Variants in KIAA0232 observed in about 807,000 individuals in gnomAD.
KIAA0232 encodes the protein uncharacterized protein KIAA0232.
A neutral mutation model predicts 122.0 loss-of-function variants in KIAA0232; 27 were observed. That is an observed-to-expected ratio of 0.22 (90% CI 0.16 to 0.31). The LOEUF (loss-of-function observed/expected upper bound fraction) is 0.31. Ranked by LOEUF, KIAA0232 falls within the 10% of genes least tolerant of loss-of-function variation. The pLI, the probability that KIAA0232 is intolerant of heterozygous loss-of-function variation, is 1.00. For synonymous variants in KIAA0232, 613 were observed against 587.6 expected, an observed-to-expected ratio of 1.04 and a Z score of -0.63; for missense variants, 1,551 against 1,634.2, an observed-to-expected ratio of 0.95 and a Z score of 0.88.
At chr4:6,793,456 A>C (rs1336759891) in intron 1 of KIAA0232, among the ~76,000 whole-genome samples, 1 of 152,214 alleles carries the variant, frequency 6.6e-6, no homozygotes, top group South Asian at 2.1e-4. Flanking sequence ...AGTATGCTTA[A>C]CTTGAAGCTT....
intron 9 of KIAA0232, 65 bp from the exon 10 acceptor site, chr4:6,880,722 G>A (rs1722026732): frequency 9.4e-7 from 1 of 1,066,368 alleles, no homozygotes; most frequent in African/African-American, 1.6e-5. Context: ...TATATAGATA[G>A]AGTATCTCAC....
At chr4:6,847,563 T>G (rs1720031974) in intron 4 of KIAA0232, among the ~76,000 whole-genome samples, 1 of 152,228 alleles carries the variant, frequency 6.6e-6, no homozygotes. Context: ...TTTGATGGGC[T>G]TTATTGGTTT....
At chr4:6,850,458 A>C (rs115497170) in intron 4 of KIAA0232, among the ~76,000 whole-genome samples, 3 of 152,256 alleles carry the variant, frequency 2.0e-5, no homozygotes, top group African/African-American at 7.2e-5. Context: ...ACTTTCTATA[A>C]ATTATACCAT....
chr4:6,818,486 G>GACACAC lies in KIAA0232; in HGVS notation c.-269-5686_-269-5681dup, dbSNP rs34245955. ...AGAGAGAACACTCCCATTTACAATA[G>GACACAC]ACACACACACACACACACTACCTAG... is the stretch of plus-strand genomic sequence containing the variant. On this transcript the variant is annotated intron_variant, in intron 2 of 9. Transcript: ENST00000307659. Among the ~76,000 whole-genome samples the GACACAC allele has an allele frequency of 4.1e-4, 61 of 149,216 alleles. 1 individual carries two copies. In the East Asian group the frequency reaches 7.6e-3, roughly 19 times the overall value.
chr4:6,866,887 G>A (rs1351646011), intron 7 of KIAA0232, among the ~76,000 whole-genome samples: 1 of 152,118 alleles, frequency 6.6e-6, no homozygotes, highest in Non-Finnish European at 1.5e-5. Flanking sequence ...TATTTTAACT[G>A]AAATAGGTAA....
Position 6,881,091 on chromosome 4 carries a change from A to G in KIAA0232, c.*125A>G. ...CTTCAATTAACTGATTCAGATTGGT[A>G]ATAATTATCTTTCTCTTCTTGCTTA... is the stretch of plus-strand genomic sequence containing the variant. On this transcript the variant is annotated 3_prime_UTR_variant, in exon 10 of 10. Transcript: ENST00000307659. The G allele has an allele frequency of 3.0e-6, 2 of 656,624 alleles. No individual in the cohort carries two copies. The highest frequency in any genetic ancestry group is 1.9e-5 in the African/African-American group (1 of 53,292). 40.7% of individuals were successfully genotyped at this position (656,624 alleles called of 1,614,324 possible).
intron 1 of KIAA0232, among the ~76,000 whole-genome samples, chr4:6,799,635 T>C (rs1273897573): frequency 6.6e-6 from 1 of 152,276 alleles, no homozygotes; most frequent in East Asian, 1.9e-4. Flanking sequence ...TAATAGAGAC[T>C]AAGAATTCTG....
chr4:6,852,548 A>G (rs1217570717), intron 4 of KIAA0232, among the ~76,000 whole-genome samples: 1 of 152,200 alleles, frequency 6.6e-6, no homozygotes, highest in East Asian at 1.9e-4. Context: ...AAAGCTAAAG[A>G]CTAAGATCTG....
At chr4:6,783,275 C>T (rs1440190177) in intron 1 of KIAA0232, among the ~76,000 whole-genome samples, 2 of 152,226 alleles carry the variant, frequency 1.3e-5, no homozygotes, top group Non-Finnish European at 2.9e-5. Flanking sequence ...CCCGCCCCGA[C>T]CCCAGGACGC....
rs537676571 is a variant in KIAA0232, at chr4:6,880,375, GC to G, written c.4009-406del. On this transcript the variant is annotated intron_variant, in intron 9 of 9. Transcript: ENST00000307659. ...CCTTCCCAACACACCCGTCTGCAGT[GC>G]CCCCCTCACCATCGGTACTGTGTCA... Among the ~76,000 whole-genome samples, 913 of 146,002 alleles carry G rather than the reference GC, an allele frequency of 6.3e-3. 36 individuals are homozygous for G. The highest frequency in any genetic ancestry group is 0.022 in the African/African-American group (844 of 37,794).
At chr4:6,790,663 G>A (rs978020298) in intron 1 of KIAA0232, among the ~76,000 whole-genome samples, 2 of 151,682 alleles carry the variant, frequency 1.3e-5, no homozygotes, top group African/African-American at 2.4e-5. Flanking sequence ...GGGACTGTGG[G>A]TATGAGCCAC....
intron 3 of KIAA0232, among the ~76,000 whole-genome samples, chr4:6,832,328 A>G (rs1719030326): frequency 6.8e-6 from 1 of 147,738 alleles, no homozygotes. Flanking sequence ...CTACTGGCAT[A>G]TGTAATTCAT....
intron 2 of KIAA0232, among the ~76,000 whole-genome samples, chr4:6,817,279 T>C (rs912098316): frequency 2.6e-5 from 4 of 152,156 alleles, no homozygotes; most frequent in African/African-American, 9.7e-5. Context: ...ATTGGCATGA[T>C]CTCGACTCGC....
At chr4:6,784,306 G>C (rs2108841334) in intron 1 of KIAA0232, among the ~76,000 whole-genome samples, 1 of 152,164 alleles carries the variant, frequency 6.6e-6, no homozygotes, top group Admixed American at 6.5e-5. Flanking sequence ...AGCAGTTTTG[G>C]TAATAGGCGA....
chr4:6,858,386 A>G, intron 5 of KIAA0232, 39 bp from the exon 6 acceptor site: 1 of 1,237,764 alleles, frequency 8.1e-7, no homozygotes, highest in Non-Finnish European at 1.2e-6. Context: ...TATTAACTAG[A>G]TATAAGACAA....
chr4:6,861,576 G>A lies in KIAA0232; in HGVS notation c.1194G>A (p.Glu398=), dbSNP rs1447323384. ...ATAGAAAGGACACAGAGTATAAAGAGGAGCCCTTGTGGTACACCGAGCCAA... is the reference window on the plus strand; with the variant it reads ...ATAGAAAGGACACAGAGTATAAAGAAGAGCCCTTGTGGTACACCGAGCCAA... ...MENRKDTEYK[E]EPLWYTEPIA... Residue 398 remains glutamate (E), a synonymous_variant, in exon 7 of 10, where the codon GAG becomes GAA. Coordinates refer to ENST00000307659, the MANE Select transcript of KIAA0232 (RefSeq NM_014743.3). 6.2e-7 allele frequency: 1 copy of A among 1,614,006 alleles called. No individual in the cohort carries two copies. The highest frequency in any genetic ancestry group is 1.3e-5 in the African/African-American group (1 of 75,030).
chr4:6,861,798 A>G lies in KIAA0232; in HGVS notation c.1416A>G (p.Glu472=). The change falls in exon 7 of 10, where the codon GAA becomes GAG. Residue 472 remains glutamate, a synonymous_variant. Transcript: ENST00000307659. ...AGTFIDGHFV[E]MPAVINEDID... ...CTTTCATTGATGGTCATTTTGTAGA[A>G]ATGCCTGCAGTTATAAATGAGGATA... 6.2e-7 allele frequency: 1 copy of G among 1,614,120 alleles called. No homozygotes were observed. The highest frequency in any genetic ancestry group is 8.5e-7 in the Non-Finnish European group (1 of 1,180,000).
intron 3 of KIAA0232, among the ~76,000 whole-genome samples, chr4:6,832,493 C>G (rs1345120315): frequency 6.6e-6 from 1 of 151,984 alleles, no homozygotes; most frequent in Non-Finnish European, 1.5e-5. Flanking sequence ...GCATTACAGG[C>G]GCCCACCACC....
chr4:6,856,518 C>G (rs1170030359), intron 4 of KIAA0232, among the ~76,000 whole-genome samples: 1 of 152,094 alleles, frequency 6.6e-6, no homozygotes, highest in Admixed American at 6.5e-5. Flanking sequence ...CAAATCCAGA[C>G]TCTTCTATGT....
Sources: allele counts gnomAD v4.1 joint callset (sites outside exome capture counted in the v4.1 genomes callset), GRCh38; gene constraint gnomAD v4.1.1; transcripts MANE v1.5; gene names NCBI Gene and HGNC (gene_info 2026-07-23, HGNC 2026-07-21).